Variants in CLSTN2 observed in about 807,000 individuals in gnomAD.
CLSTN2 encodes the protein calsyntenin 2.
A neutral mutation model predicts 101.2 loss-of-function variants in CLSTN2; 48 were observed. The ratio of observed to expected loss-of-function variants is 0.47; its 90% CI spans 0.38 to 0.60. The LOEUF is 0.60. CLSTN2 is among the 20% of genes least tolerant of loss of function. The probability of loss-of-function intolerance (pLI) is 0.00; values close to 1 mark genes in which losing one functional copy is unlikely to be tolerated. For missense variants in CLSTN2, 1,160 were observed against 1,238.2 expected, an observed-to-expected ratio of 0.94 and a Z score of 0.95; for synonymous variants, 481 against 463.6, an observed-to-expected ratio of 1.04 and a Z score of -0.48.
intron 1 of CLSTN2, among the ~76,000 whole-genome samples, chr3:140,007,942 C>T (rs780453503): frequency 7.2e-5 from 11 of 152,168 alleles, no homozygotes; most frequent in Non-Finnish European, 1.6e-4. Context: ...TTTCACAGCA[C>T]GTGCTGATCT....
At chr3:140,239,448 A>G (rs2086441553) in intron 2 of CLSTN2, among the ~76,000 whole-genome samples, 1 of 152,226 alleles carries the variant, frequency 6.6e-6, no homozygotes, top group Non-Finnish European at 1.5e-5. Context: ...ATACTTGTTA[A>G]AAGAGTTTTT....
intron 2 of CLSTN2, among the ~76,000 whole-genome samples, chr3:140,268,219 G>A (rs1345341039): frequency 6.6e-6 from 1 of 152,180 alleles, no homozygotes; most frequent in East Asian, 1.9e-4. Context: ...TGGGCCTTCA[G>A]AAGAGGGAGG....
intron 1 of CLSTN2, among the ~76,000 whole-genome samples, chr3:140,042,128 A>G (rs1369995785): frequency 1.3e-5 from 2 of 152,202 alleles, no homozygotes; most frequent in Non-Finnish European, 2.9e-5. Context: ...ATTTTCATCA[A>G]TGAAACTCCA....
intron 2 of CLSTN2, among the ~76,000 whole-genome samples, chr3:140,318,461 G>A (rs1576513489): frequency 6.6e-6 from 1 of 152,284 alleles, no homozygotes; most frequent in South Asian, 2.1e-4. Context: ...GAAGCTCCTG[G>A]TACTTAGCAG....
rs148615735 is a variant in CLSTN2, at chr3:140,085,543, T to G, written c.110-90408T>G. Among the ~76,000 whole-genome samples, 613 of 152,262 alleles carry G rather than the reference T, an allele frequency of 4.0e-3. 1 individual carries two copies. The highest frequency in any genetic ancestry group is 6.7e-3 in the Non-Finnish European group (453 of 68,016). On this transcript the variant is annotated intron_variant, in intron 1 of 16. Coordinates refer to ENST00000458420, the MANE Select transcript of CLSTN2 (RefSeq NM_022131.3). ...GACATCTTCTCACCTTTAATGAGAATCCAAATCCTCTGGGGGCAATTTACT... is the reference window on the plus strand; with the variant it reads ...GACATCTTCTCACCTTTAATGAGAAGCCAAATCCTCTGGGGGCAATTTACT...
chr3:140,103,237 T>C (rs151213530), intron 1 of CLSTN2, among the ~76,000 whole-genome samples: 1 of 152,318 alleles, frequency 6.6e-6, no homozygotes, highest in East Asian at 1.9e-4. Flanking sequence ...GATGAGAGGC[T>C]GGGCTGTATC....
chr3:140,392,349 TAA>T (rs1421625281), intron 2 of CLSTN2, among the ~76,000 whole-genome samples: 1 of 152,040 alleles, frequency 6.6e-6, no homozygotes, highest in Admixed American at 6.6e-5. Context: ...AATTTTAGTT[TAA>T]AAAGTCTTTC....
At chr3:140,070,696 C>T (rs2008376407) in intron 1 of CLSTN2, among the ~76,000 whole-genome samples, 1 of 152,072 alleles carries the variant, frequency 6.6e-6, no homozygotes, top group Non-Finnish European at 1.5e-5. Flanking sequence ...TTTGTTTTTT[C>T]TTGGTGGGAA....
At chr3:140,419,620 C>T (rs145418119) in intron 4 of CLSTN2, among the ~76,000 whole-genome samples, 1 of 47,346 alleles carries the variant, frequency 2.1e-5, no homozygotes, top group Non-Finnish European at 3.2e-5. Context: ...TATACGTGTA[C>T]GTATATATGT....
intron 1 of CLSTN2, among the ~76,000 whole-genome samples, chr3:140,135,113 C>CATATAT (rs1475480824): frequency 3.3e-4 from 17 of 52,060 alleles, no homozygotes; most frequent in African/African-American, 2.0e-3. Context: ...CACACACACA[C>CATATAT]ACACATATAT....
At chr3:140,409,714 A>G (rs2088341769) in intron 4 of CLSTN2, among the ~76,000 whole-genome samples, 1 of 152,212 alleles carries the variant, frequency 6.6e-6, no homozygotes, top group Admixed American at 6.5e-5. Flanking sequence ...TCCAAAGAAT[A>G]GCCATTGAAT....
intron 2 of CLSTN2, among the ~76,000 whole-genome samples, chr3:140,391,379 G>GA (rs2088112446): frequency 7.7e-6 from 1 of 129,890 alleles, no homozygotes; most frequent in African/African-American, 2.9e-5. Flanking sequence ...GGGGGGGTGG[G>GA]CGGGAGGGGC....
chr3:140,371,261 G>A (rs1313285072), intron 2 of CLSTN2, among the ~76,000 whole-genome samples: 1 of 152,088 alleles, frequency 6.6e-6, no homozygotes, highest in African/African-American at 2.4e-5. Context: ...ATTTAGGCTG[G>A]CCTTTGAAGA....
intron 6 of CLSTN2, among the ~76,000 whole-genome samples, chr3:140,456,028 G>A (rs764192508): frequency 3.9e-5 from 6 of 152,116 alleles, no homozygotes; most frequent in African/African-American, 1.4e-4. Flanking sequence ...GTGTAGGGAG[G>A]TGGAGTCCCA....
Position 140,118,047 on chromosome 3 carries a change from G to A in CLSTN2, c.110-57904G>A, listed in dbSNP as rs201483326. On this transcript the variant is annotated intron_variant, in intron 1 of 16. Coordinates refer to ENST00000458420, the MANE Select transcript of CLSTN2 (RefSeq NM_022131.3). ...CAGCACCTTTGAAGAAGTAATTAAG[G>A]TAGAATGAGGCTATCACAATGGGCT... Among the ~76,000 whole-genome samples the A allele has an allele frequency of 4.6e-5, 7 of 152,148 alleles. No individual in the cohort carries two copies. The East Asian group carries it at 1.2e-3, about 25-fold the overall frequency.
chr3:140,161,992 C>T (rs7355921), intron 1 of CLSTN2, among the ~76,000 whole-genome samples: 132,293 of 152,212 alleles, frequency 0.87, 57,643 homozygotes, highest in East Asian at 0.92. Flanking sequence ...AAACTTTTTA[C>T]TTAAAACAAC....
At chr3:140,182,433 C>A (rs986611305) in intron 2 of CLSTN2, among the ~76,000 whole-genome samples, 5 of 152,186 alleles carry the variant, frequency 3.3e-5, no homozygotes, top group African/African-American at 1.2e-4. Flanking sequence ...TATCCAGCGC[C>A]TTCAGGATCA....
Position 140,026,161 on chromosome 3 carries a change from C to T in CLSTN2, c.109+90678C>T, listed in dbSNP as rs571258851. Among the ~76,000 whole-genome samples, 7 of 152,266 alleles carry T rather than the reference C, an allele frequency of 4.6e-5. No individual in the cohort carries two copies. In the South Asian group the frequency reaches 1.5e-3, roughly 32 times the overall value. On this transcript the variant is annotated intron_variant, in intron 1 of 16. Coordinates refer to ENST00000458420, the MANE Select transcript of CLSTN2 (RefSeq NM_022131.3). ...AACCTCTGCACTTTAGTATTCTTGA[C>T]ATGAGGATATGTGGCTATGGAAAAC...
intron 1 of CLSTN2, among the ~76,000 whole-genome samples, chr3:140,066,160 A>G (rs920495680): frequency 6.6e-6 from 1 of 152,176 alleles, no homozygotes; most frequent in African/African-American, 2.4e-5. Flanking sequence ...CCATCCTACT[A>G]TATTTCAGAC....
Sources: allele counts gnomAD v4.1 joint callset (sites outside exome capture counted in the v4.1 genomes callset), GRCh38; gene constraint gnomAD v4.1.1; transcripts MANE v1.5; gene names NCBI Gene and HGNC (gene_info 2026-07-23, HGNC 2026-07-21).